The following CACNB4 variants were observed in gnomAD, a reference collection of about 807,000 sequenced individuals.
CACNB4 encodes the protein calcium voltage-gated channel auxiliary subunit beta 4.
A neutral mutation model predicts 71.2 loss-of-function variants in CACNB4; 32 were observed. The ratio of observed to expected loss-of-function variants is 0.45; its 90% confidence interval spans 0.34 to 0.60. The LOEUF (loss-of-function observed/expected upper bound fraction) is 0.60, where lower values mean the gene tolerates loss of function less well. CACNB4 is among the 20% of genes least tolerant of loss of function. The probability of loss-of-function intolerance (pLI) is 0.01; values close to 1 mark genes in which losing one functional copy is unlikely to be tolerated. For missense variants in CACNB4, 464 were observed against 647.9 expected (o/e 0.72, Z 3.08); for synonymous variants, 231 against 236.9 (o/e 0.97, Z 0.23).
intron 2 of CACNB4, among the ~76,000 whole-genome samples, chr2:151,975,560 G>A (rs192218724): frequency 4.9e-4 from 74 of 152,260 alleles, no homozygotes; most frequent in African/African-American, 1.3e-3. Flanking sequence ...TGCAGTCAAC[G>A]GGATTCCATA....
rs70974816 is a variant in CACNB4, at chr2:152,001,526, TAAAAAA to T, written c.147+96798_147+96803del. On this transcript the variant is annotated intron_variant, in intron 2 of 13. Transcript: ENST00000539935. ...CAACATGGTGAAACCCCATCTCTACTAAAAAAAAAAAAAAAAAAAAAAAAAAAAAAT... is the reference window on the plus strand; with the variant it reads ...CAACATGGTGAAACCCCATCTCTACTAAAAAAAAAAAAAAAAAAAAAAAAT... Among the ~76,000 whole-genome samples the T allele has an allele frequency of 3.7e-4, 13 of 35,488 alleles. No homozygotes were observed. The East Asian group carries it at 0.014, about 38-fold the overall frequency. The allele number at this position is 35,488 out of a possible 152,430, so 23.3% of individuals were successfully genotyped here. A position where few individuals can be genotyped will look rare whatever the true frequency, so the allele number is the denominator to read the frequency against.
At chr2:151,930,689 G>A (rs2099861423) in intron 2 of CACNB4, among the ~76,000 whole-genome samples, 1 of 151,818 alleles carries the variant, frequency 6.6e-6, no homozygotes, top group Non-Finnish European at 1.5e-5. Context: ...ATGGAAATGG[G>A]TTAAAGGTAA....
At chr2:151,992,672 TA>T (rs1681777214) in intron 2 of CACNB4, among the ~76,000 whole-genome samples, 1 of 152,196 alleles carries the variant, frequency 6.6e-6, no homozygotes, top group Admixed American at 6.5e-5. Flanking sequence ...AGAGCAAATT[TA>T]AGTTTCTGGG....
At chr2:151,886,629 G>T (rs2099849436) in intron 2 of CACNB4, among the ~76,000 whole-genome samples, 1 of 152,024 alleles carries the variant, frequency 6.6e-6, no homozygotes, top group Admixed American at 6.6e-5. Flanking sequence ...GAAAAATAAA[G>T]CACTGTGATA....
At chr2:151,949,900 T>G (rs2099866502) in intron 2 of CACNB4, among the ~76,000 whole-genome samples, 1 of 151,862 alleles carries the variant, frequency 6.6e-6, no homozygotes, top group South Asian at 2.1e-4. Flanking sequence ...ATACAAAAAT[T>G]AGCCTGGCAT....
intron 2 of CACNB4, among the ~76,000 whole-genome samples, chr2:152,054,116 C>T (rs1487790694): frequency 6.6e-6 from 1 of 151,922 alleles, no homozygotes; most frequent in Non-Finnish European, 1.5e-5. Context: ...GCCTGTAATC[C>T]CAGCACTTTG....
chr2:151,977,232 T>C (rs2099873976), intron 2 of CACNB4, among the ~76,000 whole-genome samples: 1 of 152,184 alleles, frequency 6.6e-6, no homozygotes. Context: ...TCTTTTCCAG[T>C]TATCTCTCAT....
intron 2 of CACNB4, among the ~76,000 whole-genome samples, chr2:151,902,845 C>A (rs2099853826): frequency 6.6e-6 from 1 of 151,584 alleles, no homozygotes; most frequent in South Asian, 2.1e-4. Context: ...CTATTGTGTG[C>A]AATGAATGAA....
At chr2:152,065,161 T>C (rs754605625) in intron 2 of CACNB4, among the ~76,000 whole-genome samples, 19 of 152,158 alleles carry the variant, frequency 1.2e-4, no homozygotes, top group Non-Finnish European at 2.4e-4. Context: ...GGTGGGCAGA[T>C]CATTTGAGGT....
chr2:151,926,761 C>T (rs1028953985), intron 2 of CACNB4, among the ~76,000 whole-genome samples: 1 of 152,150 alleles, frequency 6.6e-6, no homozygotes, highest in Admixed American at 6.5e-5. Flanking sequence ...AATTACTGTA[C>T]CCATCACTAG....
chr2:151,859,169 A>C (rs1257707219), intron 10 of CACNB4: 10 of 152,216 alleles, frequency 6.6e-5, no homozygotes, highest in Non-Finnish European at 4.4e-5. Flanking sequence ...TGGGTTTATG[A>C]CTTTACAGAG....
chr2:152,010,102 C>G (rs2105058604), intron 2 of CACNB4, among the ~76,000 whole-genome samples: 1 of 152,302 alleles, frequency 6.6e-6, no homozygotes, highest in East Asian at 1.9e-4. Flanking sequence ...TTGCGCTAAC[C>G]TTTAACTAAG....
Position 152,098,473 on chromosome 2 carries a change from C to T in CACNB4, c.64-60G>A, listed in dbSNP as rs1385938818. 1 of 1,478,620 alleles carries T rather than the reference C, an allele frequency of 6.8e-7. No individual in the cohort carries two copies. Among genetic ancestry groups the T allele is most frequent in the Non-Finnish European group, 9.5e-7 (1 of 1,058,168 alleles). The allele number at this position is 1,478,620 out of a possible 1,614,324, so 91.6% of individuals were successfully genotyped here. The stretch of plus-strand genomic sequence containing the variant: ...GTGAGGACCGCAGCGCAGAGCGGGG[C>T]GACCACCCCCGGCTGGAGTCCGCCT... On this transcript the variant is annotated intron_variant, in intron 1 of 13. Transcript: ENST00000539935. This position sits in a 1 kb window ranked among gnomAD's most constrained non-coding sequence, Gnocchi z 5.3.
chr2:151,941,983 T>C (rs2099864382), intron 2 of CACNB4, among the ~76,000 whole-genome samples: 2 of 152,200 alleles, frequency 1.3e-5, no homozygotes, highest in Admixed American at 1.3e-4. Context: ...GAGGGGATGC[T>C]AGGCAGCAAG....
intron 2 of CACNB4, among the ~76,000 whole-genome samples, chr2:151,981,264 C>T (rs893175127): frequency 6.6e-6 from 1 of 152,168 alleles, no homozygotes; most frequent in Non-Finnish European, 1.5e-5. Context: ...AGATCCTCAA[C>T]AAATATTGGT....
intron 2 of CACNB4, among the ~76,000 whole-genome samples, chr2:151,979,152 C>T (rs1490015258): frequency 1.3e-5 from 2 of 152,066 alleles, no homozygotes; most frequent in African/African-American, 4.8e-5. Flanking sequence ...ACAAATGCTA[C>T]TGCTGGTTCA....
At chr2:151,844,140 C>T (rs969456944) in intron 12 of CACNB4, among the ~76,000 whole-genome samples, 8 of 152,126 alleles carry the variant, frequency 5.3e-5, no homozygotes, top group African/African-American at 1.9e-4. Flanking sequence ...TTCTTCTAGG[C>T]ACTGTGGGTA....
chr2:152,063,342 C>A (rs1382427992), intron 2 of CACNB4, among the ~76,000 whole-genome samples: 1 of 152,130 alleles, frequency 6.6e-6, no homozygotes, highest in Non-Finnish European at 1.5e-5. Context: ...ATGTTATTAG[C>A]CTGTTATTTT....
At chr2:151,845,409 CA>C (rs2099837299) in intron 12 of CACNB4, among the ~76,000 whole-genome samples, 1 of 152,144 alleles carries the variant, frequency 6.6e-6, no homozygotes, top group Non-Finnish European at 1.5e-5. Context: ...ATATCTGTGA[CA>C]ATTTTTCTCT....
Sources: allele counts gnomAD v4.1 joint callset (sites outside exome capture counted in the v4.1 genomes callset), GRCh38; gene constraint gnomAD v4.1.1; non-coding constraint Gnocchi (gnomAD v3.1); transcripts MANE v1.5; gene names NCBI Gene and HGNC (gene_info 2026-07-23, HGNC 2026-07-21).